The following SFTPD variants were observed in gnomAD, a reference collection of about 807,000 sequenced individuals.
The protein encoded by SFTPD is pulmonary surfactant-associated protein D.
SFTPD carries 18 observed loss-of-function variants against 34.6 expected under a neutral mutation model. The ratio of observed to expected loss-of-function variants is 0.52; its 90% CI spans 0.36 to 0.77. The LOEUF is 0.77. SFTPD is among the 30% of genes least tolerant of loss of function. SFTPD has a pLI of 0.00. For missense variants in SFTPD, 433 were observed against 468.9 expected, an observed-to-expected ratio of 0.92 and a Z score of 0.71; for synonymous variants, 155 against 180.9, an observed-to-expected ratio of 0.86 and a Z score of 1.15.
At chr10:79,962,889 T>C (rs1564533996) in intron 1 of SFTPD, among the ~76,000 whole-genome samples, 1 of 152,192 alleles carries the variant, frequency 6.6e-6, no homozygotes, top group Non-Finnish European at 1.5e-5. Flanking sequence ...CAATGATATT[T>C]CTATTAAAGT....
intron 1 of SFTPD, among the ~76,000 whole-genome samples, chr10:79,967,542 A>T (rs1364183283): frequency 1.4e-5 from 2 of 142,382 alleles, no homozygotes; most frequent in African/African-American, 2.7e-5. Context: ...ACACTACCTG[A>T]CTTCAAATTA....
At chr10:79,939,904 C>A (rs1842594703) in intron 7 of SFTPD, among the ~76,000 whole-genome samples, 1 of 152,186 alleles carries the variant, frequency 6.6e-6, no homozygotes, top group Non-Finnish European at 1.5e-5. Flanking sequence ...AAAAAGGCAC[C>A]AGGCCCTCAG....
chr10:79,959,248 A>G (rs1199655944), intron 1 of SFTPD, among the ~76,000 whole-genome samples: 2 of 151,516 alleles, frequency 1.3e-5, no homozygotes, highest in African/African-American at 4.9e-5. Context: ...GAAAAGCAAG[A>G]GCAAACACAT....
intron 1 of SFTPD, among the ~76,000 whole-genome samples, chr10:79,947,463 G>A (rs545955408): frequency 6.6e-6 from 1 of 152,304 alleles, no homozygotes; most frequent in Admixed American, 6.5e-5. Flanking sequence ...GCCGAGGCGG[G>A]CAGATCACTT....
intron 1 of SFTPD, chr10:79,970,841 G>A (rs962858330): frequency 6.6e-6 from 1 of 152,014 alleles, no homozygotes; most frequent in African/African-American, 2.4e-5. Flanking sequence ...TTTCCAATTT[G>A]GATGTCTTTT....
chr10:79,946,415 A>G, intron 2 of SFTPD, 46 bp downstream of exon 2: 1 of 1,423,842 alleles, frequency 7.0e-7, no homozygotes, highest in South Asian at 1.1e-5. Flanking sequence ...TTACAGTTCC[A>G]ATGACCATTC....
At chr10:79,941,657 C>A in intron 5 of SFTPD, 143 bp from the exon 6 acceptor site, 1 of 665,944 alleles carries the variant, frequency 1.5e-6, no homozygotes, top group Non-Finnish European at 2.6e-6. Context: ...CATGCAGCTC[C>A]CTGTACACTG....
intron 1 of SFTPD, among the ~76,000 whole-genome samples, chr10:79,959,057 C>A (rs1181349889): frequency 6.6e-6 from 1 of 151,744 alleles, no homozygotes; most frequent in African/African-American, 2.4e-5. Context: ...GGGTACATAA[C>A]GAAATGAAGG....
At chr10:79,962,511 T>C (rs1212229450) in intron 1 of SFTPD, among the ~76,000 whole-genome samples, 4 of 152,136 alleles carry the variant, frequency 2.6e-5, no homozygotes, top group Admixed American at 1.3e-4. Context: ...TCCTTATTAA[T>C]AGCTTTATAA....
rs180699833 is a variant in SFTPD, at chr10:79,981,054, T to G, written c.36+1521A>C. Among the ~76,000 whole-genome samples, 28 of 152,298 alleles carry G rather than the reference T, an allele frequency of 1.8e-4. No homozygotes were observed. The East Asian group carries it at 5.0e-3, about 27-fold the overall frequency. Reference sequence around the variant, plus strand: ...CACAGAGAATTCAAAATAGCTGTTTTAAGAAATCTCAATGAAATCCAAGGT... The same window carrying G: ...CACAGAGAATTCAAAATAGCTGTTTGAAGAAATCTCAATGAAATCCAAGGT... On this transcript the variant is annotated intron_variant, in intron 1 of 5. Coordinates refer to the SFTPD transcript ENST00000444384.
At chr10:79,941,932 C>T in intron 5 of SFTPD, 22 bp downstream of exon 5, 3 of 1,511,324 alleles carry the variant, frequency 2.0e-6, no homozygotes, top group Non-Finnish European at 2.8e-6. Context: ...CCCAGCCCAG[C>T]CCAGCTCTTT....
intron 1 of SFTPD, among the ~76,000 whole-genome samples, chr10:79,962,009 C>T (rs1407645686): frequency 1.3e-5 from 2 of 148,858 alleles, no homozygotes; most frequent in African/African-American, 2.5e-5. Context: ...ATGGATGAAA[C>T]TGGAAACCAT....
rs565135566 is a variant in SFTPD, at chr10:79,937,807, G to C, written c.*45C>G. On this transcript the variant is annotated 3_prime_UTR_variant, in exon 8 of 8. Coordinates refer to ENST00000372292, the MANE Select transcript of SFTPD (RefSeq NM_003019.5). Reference sequence around the variant, plus strand: ...CATGAGGGTCTAAGCCTTGACTTCTGGCCAAACTCCTGGGCCAAGCACTGC... The same window carrying C: ...CATGAGGGTCTAAGCCTTGACTTCTCGCCAAACTCCTGGGCCAAGCACTGC... The C allele has an allele frequency of 1.3e-6, 2 of 1,506,136 alleles. No individual in the cohort carries two copies. Among genetic ancestry groups the C allele is most frequent in the East Asian group, 4.6e-5 (2 of 43,552 alleles). 93.3% of individuals were successfully genotyped at this position (1,506,136 alleles called of 1,614,324 possible).
At chr10:79,958,861 A>G (rs995838216) in intron 1 of SFTPD, among the ~76,000 whole-genome samples, 2 of 151,998 alleles carry the variant, frequency 1.3e-5, no homozygotes, top group African/African-American at 2.4e-5. Context: ...GCACCACACC[A>G]CACCTATTCC....
chr10:79,977,407 C>G (rs1172389954), intron 1 of SFTPD, among the ~76,000 whole-genome samples: 2 of 152,192 alleles, frequency 1.3e-5, no homozygotes, highest in African/African-American at 4.8e-5. Flanking sequence ...TATTAATACT[C>G]ATAATGTTTC....
intron 1 of SFTPD, among the ~76,000 whole-genome samples, chr10:79,961,639 AAAC>A (rs1842773223): frequency 6.6e-6 from 1 of 152,198 alleles, no homozygotes; most frequent in Non-Finnish European, 1.5e-5. Context: ...AAAAGTCAGG[AAAC>A]AACAGGTGCT....
chr10:79,980,838 C>A (rs867128724), intron 1 of SFTPD, among the ~76,000 whole-genome samples: 1 of 152,348 alleles, frequency 6.6e-6, no homozygotes, highest in African/African-American at 2.4e-5. Flanking sequence ...CCTTTGAATA[C>A]TTGAAAAGCC....
At chr10:79,976,357 T>C (rs1281641567) in intron 1 of SFTPD, among the ~76,000 whole-genome samples, 4 of 152,132 alleles carry the variant, frequency 2.6e-5, no homozygotes, top group Admixed American at 2.0e-4. Flanking sequence ...GTGGATCCTA[T>C]CCCATCACCT....
intron 7 of SFTPD, among the ~76,000 whole-genome samples, chr10:79,939,842 A>G (rs1240022868): frequency 6.6e-6 from 1 of 152,190 alleles, no homozygotes; most frequent in African/African-American, 2.4e-5. Context: ...CAAAGCTGAT[A>G]TCAGGAAAGG....
Sources: allele counts gnomAD v4.1 joint callset (sites outside exome capture counted in the v4.1 genomes callset), GRCh38; gene constraint gnomAD v4.1.1; transcripts MANE v1.5; gene names NCBI Gene and HGNC (gene_info 2026-07-23, HGNC 2026-07-21).